RASA1: variants seen among roughly 807,000 people sequenced by gnomAD.
RASA1 encodes ras GTPase-activating protein 1.
A neutral mutation model predicts 132.2 loss-of-function variants in RASA1; 25 were observed. The ratio of observed to expected loss-of-function variants is 0.19; its 90% CI spans 0.14 to 0.26. The LOEUF (loss-of-function observed/expected upper bound fraction) is 0.26. RASA1 is among the 10% of genes least tolerant of loss of function. The pLI is 1.00. For synonymous variants in RASA1, 477 were observed against 449.9 expected (o/e 1.06, Z -0.76); for missense variants, 964 against 1,299.2 (o/e 0.74, Z 3.97).
At chr5:87,326,934 A>G (rs1757272967) in intron 1 of RASA1, among the ~76,000 whole-genome samples, 1 of 152,332 alleles carries the variant, frequency 6.6e-6, no homozygotes, top group East Asian at 1.9e-4. Context: ...AGACTGGAAA[A>G]TAGGTAATTG....
chr5:87,288,616 T>C (rs1561258498), intron 1 of RASA1, among the ~76,000 whole-genome samples: 1 of 152,088 alleles, frequency 6.6e-6, no homozygotes, highest in Admixed American at 6.6e-5. Flanking sequence ...TAAGTACAAG[T>C]GAGTGGGCTT....
chr5:87,377,061 T>G (rs1423322760), intron 17 of RASA1, 21 bp downstream of exon 17: 1 of 1,606,080 alleles, frequency 6.2e-7, no homozygotes, highest in East Asian at 2.2e-5. Flanking sequence ...GCCATGTTAG[T>G]GTGATACAAG....
intron 22 of RASA1, 119 bp from the exon 23 acceptor site, chr5:87,386,707 A>C (rs539621942): frequency 8.7e-6 from 7 of 806,968 alleles, no homozygotes; most frequent in African/African-American, 8.4e-5. Flanking sequence ...TTGCTATATT[A>C]ATTTGGTGCA....
At chr5:87,293,948 A>G (rs1223515203) in intron 1 of RASA1, among the ~76,000 whole-genome samples, 4 of 151,910 alleles carry the variant, frequency 2.6e-5, no homozygotes, top group African/African-American at 7.2e-5. Context: ...GATATTAGTA[A>G]TTTGTCTTCT....
intron 15 of RASA1, among the ~76,000 whole-genome samples, chr5:87,375,902 C>G (rs1761290369): frequency 6.6e-6 from 1 of 152,146 alleles, no homozygotes; most frequent in African/African-American, 2.4e-5. Flanking sequence ...AATCCAAACC[C>G]CATAGTAATG....
At chr5:87,383,850 CTCTTAAA>C in intron 21 of RASA1, 70 bp downstream of exon 21, 1 of 1,171,098 alleles carries the variant, frequency 8.5e-7, no homozygotes, top group Non-Finnish European at 1.2e-6. Flanking sequence ...TTTAAGAATA[CTCTTAAA>C]TCTTTTTTTT....
chr5:87,386,293 A>T (rs1415999948), intron 22 of RASA1, among the ~76,000 whole-genome samples: 1 of 152,060 alleles, frequency 6.6e-6, no homozygotes, highest in Non-Finnish European at 1.5e-5. Context: ...GCATGGTTTT[A>T]AGTAGTCAGG....
intron 1 of RASA1, among the ~76,000 whole-genome samples, chr5:87,316,859 A>C (rs1315819444): frequency 6.6e-6 from 1 of 151,598 alleles, no homozygotes; most frequent in African/African-American, 2.4e-5. Flanking sequence ...GGGAAAAGTC[A>C]CCTGACTCTG....
intron 8 of RASA1, among the ~76,000 whole-genome samples, chr5:87,352,543 G>T (rs1759349812): frequency 6.6e-6 from 1 of 151,662 alleles, no homozygotes; most frequent in Admixed American, 6.6e-5. Context: ...AATACAGTAT[G>T]TCATTTTATT....
At chr5:87,327,575 A>G (rs1487601070) in intron 1 of RASA1, among the ~76,000 whole-genome samples, 1 of 152,170 alleles carries the variant, frequency 6.6e-6, no homozygotes, top group Admixed American at 6.5e-5. Flanking sequence ...TTCTGCTAGT[A>G]TGCATTGTCT....
At chr5:87,390,779 T>TA in intron 24 of RASA1, 21 bp from the exon 25 acceptor site, 1 of 1,591,284 alleles carries the variant, frequency 6.3e-7, no homozygotes, top group Non-Finnish European at 8.6e-7. Flanking sequence ...TTTATTTTCA[T>TA]ACCATTTTTC....
At chr5:87,357,270 AAAT>A (rs1436797293) in intron 9 of RASA1, among the ~76,000 whole-genome samples, 1 of 151,954 alleles carries the variant, frequency 6.6e-6, no homozygotes, top group Non-Finnish European at 1.5e-5. Flanking sequence ...TGTATTTTTT[AAAT>A]AACATGGGTG....
chr5:87,390,934 T>A lies in RASA1; in HGVS notation c.*51T>A, dbSNP rs1462435525. 3.5e-5 allele frequency: 54 copies of A among 1,523,896 alleles called. No homozygotes were observed. The highest frequency in any genetic ancestry group is 4.8e-5 in the Non-Finnish European group (53 of 1,098,690). The allele number at this position is 1,523,896 out of a possible 1,614,324, so 94.4% of individuals were successfully genotyped here. On this transcript the variant is annotated 3_prime_UTR_variant, in exon 25 of 25. Transcript: ENST00000274376. ...GGATTCAGCATGTCCAACATGGTAATTCACTTCAGTTTAATGTCTCCTTTG... is the reference window on the plus strand; with the variant it reads ...GGATTCAGCATGTCCAACATGGTAAATCACTTCAGTTTAATGTCTCCTTTG...
At chr5:87,287,733 ACACGC>A (rs1754706423) in intron 1 of RASA1, among the ~76,000 whole-genome samples, 1 of 89,382 alleles carries the variant, frequency 1.1e-5, no homozygotes, top group Non-Finnish European at 2.3e-5. Flanking sequence ...ACCATTATGT[ACACGC>A]CATAGATATA....
intron 20 of RASA1, among the ~76,000 whole-genome samples, chr5:87,383,122 A>G (rs1323778951): frequency 6.6e-6 from 1 of 152,010 alleles, no homozygotes. Context: ...AGGAAAAAAG[A>G]AAACCTTTCC....
intron 5 of RASA1, among the ~76,000 whole-genome samples, chr5:87,339,755 T>G (rs1441649268): frequency 2.0e-5 from 3 of 152,164 alleles, no homozygotes; most frequent in East Asian, 3.8e-4. Flanking sequence ...ATGAATATAG[T>G]AACATTATAA....
intron 1 of RASA1, among the ~76,000 whole-genome samples, chr5:87,275,713 GGTGC>G (rs1460829205): frequency 6.6e-6 from 1 of 152,104 alleles, no homozygotes. Flanking sequence ...TGGCATTACA[GGTGC>G]GTGCCACCAC....
chr5:87,366,295 A>G (rs1760509191), intron 11 of RASA1: 2 of 346,668 alleles, frequency 5.8e-6, no homozygotes, highest in Admixed American at 3.2e-5. Flanking sequence ...ATATTGCAAT[A>G]TCTGTAAGAT....
intron 1 of RASA1, among the ~76,000 whole-genome samples, chr5:87,289,896 A>T (rs1754841615): frequency 6.6e-6 from 1 of 152,156 alleles, no homozygotes; most frequent in African/African-American, 2.4e-5. Context: ...GGCATGAGCC[A>T]CCGTGCCTGG....
Sources: gnomAD v4.1 joint callset for allele counts (sites outside exome capture counted in the v4.1 genomes callset) on GRCh38, gnomAD v4.1.1 for gene constraint, MANE v1.5 for transcripts, NCBI Gene and HGNC (gene_info 2026-07-23, HGNC 2026-07-21) for gene names.